Variants in SLC9A2 observed in about 807,000 individuals in gnomAD.
The protein encoded by SLC9A2 is sodium/hydrogen exchanger 2.
A neutral mutation model predicts 71.7 loss-of-function variants in SLC9A2; 42 were observed. That is an observed-to-expected ratio of 0.59 (90% confidence interval 0.46 to 0.76). The LOEUF (loss-of-function observed/expected upper bound fraction) is 0.76. SLC9A2 is among the 30% of genes least tolerant of loss of function. The pLI is 0.00. For synonymous variants in SLC9A2, 396 were observed against 392.5 expected, an observed-to-expected ratio of 1.01 and a Z score of -0.10; for missense variants, 829 against 1,017.4, an observed-to-expected ratio of 0.81 and a Z score of 2.52.
chr2:102,629,917 T>A (rs1676325924), intron 1 of SLC9A2, among the ~76,000 whole-genome samples: 1 of 152,098 alleles, frequency 6.6e-6, no homozygotes, highest in African/African-American at 2.4e-5. Context: ...TAGGCTGTTG[T>A]GTAAAGTAAA....
intron 1 of SLC9A2, among the ~76,000 whole-genome samples, chr2:102,657,219 A>G (rs948458644): frequency 6.6e-6 from 1 of 151,936 alleles, no homozygotes; most frequent in African/African-American, 2.4e-5. Context: ...AAAAAAAATA[A>G]TAATAATAAT....
chr2:102,640,119 C>T (rs535426800), intron 1 of SLC9A2, among the ~76,000 whole-genome samples: 1 of 152,374 alleles, frequency 6.6e-6, no homozygotes, highest in Non-Finnish European at 1.5e-5. Context: ...CTGCATCTGT[C>T]TCCTGAGGCT....
intron 5 of SLC9A2, among the ~76,000 whole-genome samples, chr2:102,692,536 C>A (rs1677683652): frequency 6.6e-6 from 1 of 152,284 alleles, no homozygotes; most frequent in Middle Eastern, 3.4e-3. Flanking sequence ...CATCTGCCCA[C>A]CAAGCAAGAA....
At chr2:102,704,968 G>A (rs960571603) in intron 10 of SLC9A2, among the ~76,000 whole-genome samples, 1 of 152,160 alleles carries the variant, frequency 6.6e-6, no homozygotes, top group South Asian at 2.1e-4. Flanking sequence ...AGCCGAAGCC[G>A]AGGCAGGTGG....
chr2:102,651,786 T>C (rs1429240107), intron 1 of SLC9A2, among the ~76,000 whole-genome samples: 1 of 152,244 alleles, frequency 6.6e-6, no homozygotes, highest in Admixed American at 6.5e-5. Context: ...AATAAATGCA[T>C]AATGAATGAC....
chr2:102,652,420 C>T (rs766480152), intron 1 of SLC9A2, among the ~76,000 whole-genome samples: 1 of 152,178 alleles, frequency 6.6e-6, no homozygotes, highest in East Asian at 1.9e-4. Flanking sequence ...TCATGCACCT[C>T]TTTCCCATGG....
chr2:102,705,996 G>T, intron 11 of SLC9A2, 60 bp downstream of exon 11: 2 of 1,007,842 alleles, frequency 2.0e-6, no homozygotes, highest in Non-Finnish European at 3.0e-6. Context: ...TTATAAACTA[G>T]ACAAATTTTC....
At chr2:102,648,783 C>T (rs532647945) in intron 1 of SLC9A2, among the ~76,000 whole-genome samples, 5 of 152,022 alleles carry the variant, frequency 3.3e-5, no homozygotes, top group South Asian at 2.1e-4. Context: ...ACAAAGGACA[C>T]GAAGGACCTC....
chr2:102,662,013 G>C (rs1327786261), intron 2 of SLC9A2, among the ~76,000 whole-genome samples: 1 of 152,184 alleles, frequency 6.6e-6, no homozygotes, highest in East Asian at 1.9e-4. Context: ...TCACTAACTA[G>C]GTATCAGGTT....
At chr2:102,659,134 G>A (rs576873024) in intron 2 of SLC9A2, among the ~76,000 whole-genome samples, 23 of 152,070 alleles carry the variant, frequency 1.5e-4, no homozygotes, top group Non-Finnish European at 2.6e-4. Context: ...AGTCTACATA[G>A]TAGGCCGGGT....
intron 6 of SLC9A2, 67 bp from the exon 7 acceptor site, chr2:102,694,976 A>G: frequency 7.5e-7 from 1 of 1,326,652 alleles, no homozygotes; most frequent in Non-Finnish European, 1.1e-6. Context: ...TAGAAATGAT[A>G]CAAGTAGAGT....
intron 1 of SLC9A2, among the ~76,000 whole-genome samples, chr2:102,643,161 T>G (rs12993573): frequency 0.5 from 76,478 of 151,998 alleles, 20,223 homozygotes; most frequent in East Asian, 0.77. Context: ...GTGGCTGGAC[T>G]ATGGTGACGT....
intron 1 of SLC9A2, among the ~76,000 whole-genome samples, chr2:102,624,363 TG>T (rs1676204209): frequency 6.6e-6 from 1 of 152,240 alleles, no homozygotes; most frequent in African/African-American, 2.4e-5. Flanking sequence ...GTACACACTT[TG>T]CTTGATAAAT....
At chr2:102,682,533 T>C (rs568934347) in intron 3 of SLC9A2, among the ~76,000 whole-genome samples, 72 of 152,132 alleles carry the variant, frequency 4.7e-4, no homozygotes, top group Non-Finnish European at 7.9e-4. Flanking sequence ...CCAGTAGATA[T>C]CATGAGAGTG....
intron 7 of SLC9A2, among the ~76,000 whole-genome samples, chr2:102,700,769 G>C (rs767463975): frequency 1.3e-5 from 2 of 151,918 alleles, no homozygotes; most frequent in African/African-American, 4.8e-5. Context: ...ATGTGCATCA[G>C]GGTCATATAC....
chr2:102,625,338 A>T (rs1193444683), intron 1 of SLC9A2, among the ~76,000 whole-genome samples: 2 of 152,210 alleles, frequency 1.3e-5, no homozygotes, highest in South Asian at 2.1e-4. Flanking sequence ...TTTTAAAATT[A>T]TACTTAAGTT....
At chr2:102,680,238 C>CT (rs1475599800) in intron 3 of SLC9A2, among the ~76,000 whole-genome samples, 1 of 151,882 alleles carries the variant, frequency 6.6e-6, no homozygotes, top group Non-Finnish European at 1.5e-5. Flanking sequence ...GTATACATGT[C>CT]TTTTTTTATA....
chr2:102,666,270 A>G (rs371404923), intron 3 of SLC9A2, among the ~76,000 whole-genome samples: 25 of 134,800 alleles, frequency 1.9e-4, no homozygotes, highest in African/African-American at 7.0e-4. Flanking sequence ...ATCTCGGCTC[A>G]CTGCAAGCTC....
chr2:102,659,682 A>T (rs1677015579), intron 2 of SLC9A2, among the ~76,000 whole-genome samples: 1 of 152,220 alleles, frequency 6.6e-6, no homozygotes, highest in Admixed American at 6.5e-5. Context: ...CATATATTCC[A>T]TTATTCATGA....
Sources: gnomAD v4.1 joint callset for allele counts (sites outside exome capture counted in the v4.1 genomes callset) on GRCh38, gnomAD v4.1.1 for gene constraint, MANE v1.5 for transcripts, NCBI Gene and HGNC (gene_info 2026-07-23, HGNC 2026-07-21) for gene names.